Variants in SPON1 observed in about 807,000 individuals in gnomAD.
SPON1 encodes the protein spondin 1.
Under a neutral mutation model 111.7 loss-of-function variants are expected in SPON1, and 52 were observed. The observed-to-expected ratio is 0.47, with a 90% CI of 0.37 to 0.59. The LOEUF (loss-of-function observed/expected upper bound fraction) is 0.59. Among genes scored for constraint, SPON1 ranks in the 20% least tolerant of loss-of-function variants. The pLI, the probability that SPON1 is intolerant of heterozygous loss-of-function variation, is 0.00. For synonymous variants in SPON1, 410 were observed against 395.8 expected (o/e 1.04, Z -0.43); for missense variants, 957 against 1,068.5 (o/e 0.90, Z 1.46).
intron 6 of SPON1, among the ~76,000 whole-genome samples, chr11:14,223,012 C>T (rs1179796695): frequency 6.6e-6 from 1 of 152,186 alleles, no homozygotes; most frequent in Admixed American, 6.5e-5. Flanking sequence ...TACAGCACAG[C>T]CAGAGCCTCT....
At chr11:14,188,440 A>C (rs1415836558) in intron 6 of SPON1, among the ~76,000 whole-genome samples, 1 of 152,164 alleles carries the variant, frequency 6.6e-6, no homozygotes, top group Non-Finnish European at 1.5e-5. Context: ...AGGTTATAAG[A>C]GTCTGAATTA....
At chr11:14,190,071 G>C (rs1848328880) in intron 6 of SPON1, among the ~76,000 whole-genome samples, 1 of 152,150 alleles carries the variant, frequency 6.6e-6, no homozygotes, top group East Asian at 1.9e-4. Context: ...GGTAGCATTT[G>C]GCTTCAGCAC....
At chr11:14,086,683 G>A (rs115129756) in intron 5 of SPON1, among the ~76,000 whole-genome samples, 11,841 of 152,040 alleles carry the variant, frequency 0.078, 547 homozygotes, top group South Asian at 0.19. Context: ...GGAGGAGTTC[G>A]TCTTTTTCTG....
chr11:14,160,681 A>ATATATATTTATATATT (rs1554930953), intron 6 of SPON1, among the ~76,000 whole-genome samples: 1 of 8,240 alleles, frequency 1.2e-4, no homozygotes, highest in Non-Finnish European at 1.8e-4. Context: ...ACATATATTT[A>ATATATATTTATATATT]TATATATATT....
intron 2 of SPON1, among the ~76,000 whole-genome samples, chr11:13,991,162 A>G (rs182358507): frequency 5.9e-5 from 9 of 152,234 alleles, no homozygotes; most frequent in South Asian, 2.1e-4. Flanking sequence ...ATATCCTGAA[A>G]AGTGTTTTCC....
chr11:13,978,404 G>T (rs545426807), intron 1 of SPON1, among the ~76,000 whole-genome samples: 3 of 152,112 alleles, frequency 2.0e-5, no homozygotes, highest in Non-Finnish European at 4.4e-5. Context: ...TTAATAGCAC[G>T]TCAACTCCGC....
chr11:14,161,167 CTATATATCTATATATT>C (rs1847950265), intron 6 of SPON1, among the ~76,000 whole-genome samples: 1 of 15,434 alleles, frequency 6.5e-5, no homozygotes, highest in Non-Finnish European at 1.5e-4. Context: ...TTATATATAT[CTATATATCTATATATT>C]TATATATCTA....
intron 6 of SPON1, among the ~76,000 whole-genome samples, chr11:14,146,150 CTT>C (rs10674430): frequency 9.2e-5 from 12 of 130,904 alleles, no homozygotes; most frequent in Admixed American, 1.6e-4. Context: ...AATTACTATA[CTT>C]TTTTTTTTTT....
intron 2 of SPON1, among the ~76,000 whole-genome samples, chr11:14,006,478 G>C (rs531993184): frequency 6.6e-6 from 1 of 152,158 alleles, no homozygotes; most frequent in Non-Finnish European, 1.5e-5. Context: ...GATCAGGAAG[G>C]CTGCTCATCA....
chr11:14,141,029 C>CCCCCGCA (rs71041572), intron 6 of SPON1, among the ~76,000 whole-genome samples: 2 of 132,274 alleles, frequency 1.5e-5, no homozygotes, highest in Non-Finnish European at 3.3e-5. Context: ...GTGCCCCCCC[C>CCCCCGCA]ATGCCCCACT....
At chr11:13,996,807 A>G (rs1344303253) in intron 2 of SPON1, among the ~76,000 whole-genome samples, 1 of 152,112 alleles carries the variant, frequency 6.6e-6, no homozygotes, top group African/African-American at 2.4e-5. Context: ...TTTTATTTTT[A>G]TGGGAACATT....
At position 14,266,087 on chromosome 11, in the gene SPON1, G is replaced by C; in HGVS notation, c.*400G>C. 2 of 165,314 alleles carry C rather than the reference G, an allele frequency of 1.2e-5. No individual in the cohort carries two copies. Among genetic ancestry groups the C allele is most frequent in the Admixed American group, 1.2e-4 (2 of 17,096 alleles). 10.2% of individuals were successfully genotyped at this position (165,314 alleles called of 1,614,324 possible). On this transcript the variant is annotated 3_prime_UTR_variant, in exon 16 of 16. Transcript: ENST00000576479. ...GAAACATTCACAGATGAAGACAGCAGATTCCCCACATTCTCATCTTTGGCC... is the reference window on the plus strand; with the variant it reads ...GAAACATTCACAGATGAAGACAGCACATTCCCCACATTCTCATCTTTGGCC...
At chr11:14,192,812 T>C (rs1173511142) in intron 6 of SPON1, among the ~76,000 whole-genome samples, 1 of 148,040 alleles carries the variant, frequency 6.8e-6, no homozygotes, top group Non-Finnish European at 1.5e-5. Flanking sequence ...CAAATTCTAG[T>C]CCAATATAGT....
intron 5 of SPON1, among the ~76,000 whole-genome samples, chr11:14,134,093 G>C (rs1847563215): frequency 1.3e-5 from 2 of 150,026 alleles, no homozygotes; most frequent in South Asian, 4.2e-4. Flanking sequence ...AGGCAGTAAT[G>C]GGGTGAAGAG....
At chr11:14,076,864 C>G (rs924243880) in intron 4 of SPON1, among the ~76,000 whole-genome samples, 3 of 152,178 alleles carry the variant, frequency 2.0e-5, no homozygotes, top group Non-Finnish European at 4.4e-5. Flanking sequence ...TCCAGAGAAC[C>G]CTGGCCAGCT....
At chr11:14,160,483 A>ATATATATATTTACATATATATATT (rs1554930869) in intron 6 of SPON1, among the ~76,000 whole-genome samples, 1 of 6,666 alleles carries the variant, frequency 1.5e-4, no homozygotes, top group Non-Finnish European at 2.6e-4. Flanking sequence ...ATATATATTT[A>ATATATATATTTACATATATATATT]TATATATATA....
intron 2 of SPON1, among the ~76,000 whole-genome samples, chr11:13,999,493 C>T (rs1379248862): frequency 6.6e-6 from 1 of 151,626 alleles, no homozygotes; most frequent in Non-Finnish European, 1.5e-5. Flanking sequence ...GCAACTTCCA[C>T]CTCCCGTGTT....
At chr11:14,169,777 G>T (rs1178349142) in intron 6 of SPON1, among the ~76,000 whole-genome samples, 1 of 152,062 alleles carries the variant, frequency 6.6e-6, no homozygotes, top group East Asian at 1.9e-4. Context: ...GCTTGTTTTT[G>T]TCAGGTTTGT....
At chr11:14,255,818 C>T (rs1554941164) in intron 9 of SPON1, 31 bp downstream of exon 9, 3 of 1,607,716 alleles carry the variant, frequency 1.9e-6, no homozygotes, top group Non-Finnish European at 2.6e-6. Flanking sequence ...CTGGCATCGA[C>T]CTTTCCCGGT....
Sources: allele counts gnomAD v4.1 joint callset (sites outside exome capture counted in the v4.1 genomes callset), GRCh38; gene constraint gnomAD v4.1.1; transcripts MANE v1.5; gene names NCBI Gene and HGNC (gene_info 2026-07-23, HGNC 2026-07-21).